PALLD: variants seen among roughly 807,000 people sequenced by gnomAD.
The protein encoded by PALLD is palladin.
PALLD carries 61 observed loss-of-function variants against 123.5 expected under a neutral mutation model. The ratio of observed to expected loss-of-function variants is 0.49; its 90% CI spans 0.40 to 0.61. The LOEUF (loss-of-function observed/expected upper bound fraction) is 0.61. PALLD is among the 20% of genes least tolerant of loss of function. The pLI is 0.00. For synonymous variants in PALLD, 465 were observed against 496.4 expected, an observed-to-expected ratio of 0.94 and a Z score of 0.84; for missense variants, 1,273 against 1,377.0, an observed-to-expected ratio of 0.92 and a Z score of 1.20.
chr4:168,715,679 G>A (rs774999457), intron 10 of PALLD, among the ~76,000 whole-genome samples: 9 of 152,148 alleles, frequency 5.9e-5, no homozygotes, highest in Non-Finnish European at 1.2e-4. Context: ...GCCAGGGCGC[G>A]GTGGCTCACC....
In PALLD at chr4:168,512,088, G is replaced by C; in HGVS notation, c.584G>C (p.Gly195Ala). The change falls in exon 2 of 22, where the codon GGG becomes GCG. Residue 195 changes from glycine (G) to alanine (A), a missense_variant. Around this residue, in one of 2 missense-constraint regions of PALLD, gnomAD observed 944 missense variants for 954.5 expected, o/e 0.99. Coordinates refer to ENST00000505667, the MANE Select transcript of PALLD (RefSeq NM_001166108.2). Reference protein sequence around the residue: ...AAKPRNRSPNGESSSPDSGYL... With the variant: ...AAKPRNRSPNAESSSPDSGYL... ...AAGCCAAGAAACAGAAGCCCAAATG[G>C]GGAGTCCTCGTCACCAGACAGTGGG... is the stretch of plus-strand genomic sequence containing the variant. 6.2e-7 allele frequency: 1 copy of C among 1,614,174 alleles called. No individual in the cohort carries two copies. The highest frequency in any genetic ancestry group is 8.5e-7 in the Non-Finnish European group (1 of 1,180,018).
At chr4:168,599,642 T>C (rs1319121141) in intron 2 of PALLD, among the ~76,000 whole-genome samples, 1 of 152,198 alleles carries the variant, frequency 6.6e-6, no homozygotes, top group Non-Finnish European at 1.5e-5. Context: ...GACACACACC[T>C]GTAGTCCTAG....
At chr4:168,542,214 T>C (rs1178532772) in intron 2 of PALLD, among the ~76,000 whole-genome samples, 1 of 152,106 alleles carries the variant, frequency 6.6e-6, no homozygotes, top group East Asian at 1.9e-4. Context: ...GACTCTAGCC[T>C]GAGCAGTTTG....
chr4:168,625,111 C>T (rs977976822), intron 2 of PALLD, among the ~76,000 whole-genome samples: 2 of 151,270 alleles, frequency 1.3e-5, no homozygotes, highest in African/African-American at 2.4e-5. Flanking sequence ...CAATGAGAAA[C>T]GATATTAAAT....
chr4:168,625,855 A>C (rs1242370123), intron 2 of PALLD, among the ~76,000 whole-genome samples: 1 of 152,122 alleles, frequency 6.6e-6, no homozygotes, highest in African/African-American at 2.4e-5. Context: ...AATCAGTCTC[A>C]CTTCTGGGTA....
intron 16 of PALLD, 147 bp downstream of exon 16, chr4:168,914,168 A>T: frequency 1.5e-6 from 1 of 673,204 alleles, no homozygotes; most frequent in South Asian, 1.7e-5. Flanking sequence ...TGGCTCCTTG[A>T]TTATTATGCT....
chr4:168,795,837 T>C (rs528516814), intron 10 of PALLD, among the ~76,000 whole-genome samples: 2 of 151,982 alleles, frequency 1.3e-5, no homozygotes, highest in East Asian at 3.9e-4. Flanking sequence ...AACTCCCCCG[T>C]AGCTGTGACC....
intron 2 of PALLD, among the ~76,000 whole-genome samples, chr4:168,539,225 C>T (rs1352217325): frequency 6.6e-6 from 1 of 152,112 alleles, no homozygotes; most frequent in Admixed American, 6.5e-5. Context: ...AATTTGTCAG[C>T]TAGGAAATGA....
chr4:168,544,483 G>A (rs1323992563), intron 2 of PALLD, among the ~76,000 whole-genome samples: 1 of 152,124 alleles, frequency 6.6e-6, no homozygotes, highest in African/African-American at 2.4e-5. Flanking sequence ...GGATCTACTA[G>A]GCATTTAAAG....
intron 2 of PALLD, among the ~76,000 whole-genome samples, chr4:168,576,500 C>T (rs1769611793): frequency 6.6e-6 from 1 of 151,836 alleles, no homozygotes; most frequent in South Asian, 2.1e-4. Flanking sequence ...GGTTTTTTGT[C>T]CTTGCGATAG....
intron 10 of PALLD, among the ~76,000 whole-genome samples, chr4:168,868,021 A>T (rs1442253037): frequency 6.6e-6 from 1 of 151,472 alleles, no homozygotes; most frequent in Non-Finnish European, 1.5e-5. Context: ...TTTCTTTTAT[A>T]TAAGGAATTG....
At chr4:168,906,195 G>A (rs780534758) in intron 15 of PALLD, among the ~76,000 whole-genome samples, 3 of 152,096 alleles carry the variant, frequency 2.0e-5, no homozygotes, top group Non-Finnish European at 4.4e-5. Flanking sequence ...TGGTCCTTAC[G>A]TATTTGCCAA....
chr4:168,592,063 C>G (rs995434889), intron 2 of PALLD, among the ~76,000 whole-genome samples: 1 of 149,180 alleles, frequency 6.7e-6, no homozygotes, highest in Non-Finnish European at 1.5e-5. Context: ...GTCACCCAGG[C>G]TGCAGTGCAA....
chr4:168,545,262 C>T (rs1462321409), intron 2 of PALLD, among the ~76,000 whole-genome samples: 1 of 152,114 alleles, frequency 6.6e-6, no homozygotes, highest in Non-Finnish European at 1.5e-5. Context: ...TGTGGTGGCT[C>T]ACACCTGTAA....
At chr4:168,838,217 G>A (rs1304939548) in intron 10 of PALLD, among the ~76,000 whole-genome samples, 1 of 152,202 alleles carries the variant, frequency 6.6e-6, no homozygotes, top group Non-Finnish European at 1.5e-5. Flanking sequence ...CCCAAGGTCA[G>A]GAAAGATGAG....
chr4:168,658,242 T>G (rs1778775055), intron 2 of PALLD, among the ~76,000 whole-genome samples: 1 of 152,044 alleles, frequency 6.6e-6, no homozygotes, highest in Non-Finnish European at 1.5e-5. Context: ...ACTTATCTAT[T>G]TTTATAGGTT....
At chr4:168,610,922 G>T (rs1002122259) in intron 2 of PALLD, among the ~76,000 whole-genome samples, 7 of 152,164 alleles carry the variant, frequency 4.6e-5, no homozygotes, top group Non-Finnish European at 1.0e-4. Context: ...ACTAATAAAA[G>T]CTGCATGTGG....
At chr4:168,657,643 G>T (rs1337279814) in intron 2 of PALLD, among the ~76,000 whole-genome samples, 1 of 152,222 alleles carries the variant, frequency 6.6e-6, no homozygotes, top group Non-Finnish European at 1.5e-5. Context: ...TGCAGACACA[G>T]ACAAGCAAGC....
intron 10 of PALLD, among the ~76,000 whole-genome samples, chr4:168,713,488 T>C (rs1246482062): frequency 6.6e-6 from 1 of 152,170 alleles, no homozygotes; most frequent in Non-Finnish European, 1.5e-5. Context: ...TCTACTCTAA[T>C]GGGTATCATA....
Sources: allele counts gnomAD v4.1 joint callset (sites outside exome capture counted in the v4.1 genomes callset), GRCh38; gene constraint gnomAD v4.1.1; regional missense constraint gnomAD v4.1.1; transcripts MANE v1.5; gene names NCBI Gene and HGNC (gene_info 2026-07-23, HGNC 2026-07-21).